Variants in UBE2E1 observed in about 807,000 individuals in gnomAD.
The protein encoded by UBE2E1 is ubiquitin conjugating enzyme E2 E1.
In UBE2E1, 6 loss-of-function variants were observed where a neutral mutation model predicts 21.4. The observed-to-expected ratio is 0.28, with a 90% CI of 0.15 to 0.55. The LOEUF (loss-of-function observed/expected upper bound fraction) is 0.55, where lower values mean the gene tolerates loss of function less well. Ranked by LOEUF, UBE2E1 falls within the 20% of genes least tolerant of loss-of-function variation. The probability of loss-of-function intolerance (pLI) is 0.93; values close to 1 mark genes in which losing one functional copy is unlikely to be tolerated. For missense variants in UBE2E1, 142 were observed against 236.5 expected, an observed-to-expected ratio of 0.60 and a Z score of 2.62; for synonymous variants, 87 against 82.7, an observed-to-expected ratio of 1.05 and a Z score of -0.28.
rs1239028049 is a variant in UBE2E1 at position 23,887,569 on chromosome 3, C to T, written c.206C>T (p.Ala69Val). ...ITLDPPPNCS[A>V]GPKGDNIYEW... is the part of the protein sequence containing the mutation. ...ATTTGTTGACGTATTATTCACAGTG[C>T]TGGTCCCAAAGGCGATAACATCTAT... Residue 69 changes from alanine to valine, a missense_variant and splice_region_variant, in exon 4 of 6, where the codon GCT becomes GTT. This residue lies in a region of UBE2E1 where 87 missense variants were observed against 184.9 expected (regional missense o/e 0.47). Coordinates refer to ENST00000306627, the MANE Select transcript of UBE2E1 (RefSeq NM_003341.5). The surrounding 1 kb of genome is among the most constrained non-coding windows in gnomAD (Gnocchi z 4.4). 6.2e-7 allele frequency: 1 copy of T among 1,608,316 alleles called. No individual in the cohort carries two copies. Among genetic ancestry groups the T allele is most frequent in the Non-Finnish European group, 8.5e-7 (1 of 1,178,560 alleles).
intron 3 of UBE2E1, among the ~76,000 whole-genome samples, chr3:23,845,589 C>CTCTGTGTGTGTGTG (rs1553637998): frequency 1.9e-4 from 23 of 121,354 alleles, no homozygotes; most frequent in South Asian, 6.4e-4. Context: ...CTCTCTCTCT[C>CTCTGTGTGTGTGTG]TGTGTGTGTG....
intron 3 of UBE2E1, among the ~76,000 whole-genome samples, chr3:23,886,929 T>C (rs1319770903): frequency 6.6e-6 from 1 of 152,248 alleles, no homozygotes; most frequent in East Asian, 1.9e-4. Context: ...AACAGTGATT[T>C]ATGATAACAG....
intron 3 of UBE2E1, among the ~76,000 whole-genome samples, chr3:23,811,936 A>G (rs577615947): frequency 9.2e-5 from 14 of 152,344 alleles, no homozygotes; most frequent in Admixed American, 7.2e-4. Context: ...TGGATCTTCA[A>G]ACTTACTCCA....
chr3:23,856,996 T>C (rs1274329850), intron 3 of UBE2E1, among the ~76,000 whole-genome samples: 3 of 66,072 alleles, frequency 4.5e-5, no homozygotes, highest in African/African-American at 1.8e-4. Flanking sequence ...AGCTAGGCTG[T>C]CTCTTAAAAA....
At chr3:23,814,071 A>T (rs1699459082) in intron 3 of UBE2E1, among the ~76,000 whole-genome samples, 1 of 152,296 alleles carries the variant, frequency 6.6e-6, no homozygotes, top group South Asian at 2.1e-4. Context: ...GGCACTTGGC[A>T]CATAGTAACT....
In UBE2E1 at chr3:23,806,361, A is replaced by C. The variant is rs569662435; in HGVS notation, c.-34+273A>C. 6.6e-6 allele frequency among the ~76,000 whole-genome samples: 1 copy of C among 150,800 alleles called. No homozygotes were observed. Among genetic ancestry groups the C allele is most frequent in the Non-Finnish European group, 1.5e-5 (1 of 67,382 alleles). On this transcript the variant is annotated intron_variant, in intron 1 of 5. Coordinates refer to ENST00000306627, the MANE Select transcript of UBE2E1 (RefSeq NM_003341.5). This position sits in a 1 kb window ranked among gnomAD's most constrained non-coding sequence, Gnocchi z 6.5. ...TGGCTCGAACTGTCAGCGCTGCCCC[A>C]AGAGCCCCCCACTGGCCACCGAGGG...
Position 23,826,274 on chromosome 3 carries a change from T to C in UBE2E1, c.203+14764T>C, listed in dbSNP as rs558773882. ...GTGCCTCAACCAGTGAAAGGAAGTA[T>C]AGCATTACTCAGCTGGTCTTGACGT... On this transcript the variant is annotated intron_variant, in intron 3 of 5. Transcript: ENST00000306627. 2.0e-5 allele frequency among the ~76,000 whole-genome samples: 3 copies of C among 152,310 alleles called. No homozygotes were observed. The South Asian group carries it at 6.2e-4, about 32-fold the overall frequency.
chr3:23,860,782 G>A (rs1700538026), intron 3 of UBE2E1, among the ~76,000 whole-genome samples: 1 of 152,050 alleles, frequency 6.6e-6, no homozygotes, highest in Admixed American at 6.5e-5. Context: ...ATAAAACTAG[G>A]TAGTACCTAA....
intron 3 of UBE2E1, among the ~76,000 whole-genome samples, chr3:23,843,747 A>C (rs1700139582): frequency 6.6e-6 from 1 of 152,208 alleles, no homozygotes; most frequent in Non-Finnish European, 1.5e-5. Context: ...GACAATCCAA[A>C]TGACCCTCAG....
At position 23,876,182 on chromosome 3, in the gene UBE2E1, C is replaced by T. The variant is rs960576040; in HGVS notation, c.204-11385C>T. Among the ~76,000 whole-genome samples the T allele has an allele frequency of 6.6e-6, 1 of 152,194 alleles. No individual in the cohort carries two copies. Among genetic ancestry groups the T allele is most frequent in the Non-Finnish European group, 1.5e-5 (1 of 68,034 alleles). On this transcript the variant is annotated intron_variant, in intron 3 of 5. Transcript: ENST00000306627. This position sits in a 1 kb window ranked among gnomAD's most constrained non-coding sequence, Gnocchi z 4.3. ...TAGTTAACCTGAATGGTACATTCCT[C>T]ACAGTACCAGAGCCTCTTCCTTTCC...
intron 5 of UBE2E1, chr3:23,889,592 T>TGTCGA: frequency 2.0e-6 from 2 of 985,388 alleles, no homozygotes; most frequent in African/African-American, 3.5e-5. Context: ...CACTTCTAAA[T>TGTCGA]GTCGAGTCAT....
rs1181254382 is a variant in UBE2E1 at position 23,816,491 on chromosome 3, G to A, written c.203+4981G>A. Among the ~76,000 whole-genome samples the A allele has an allele frequency of 6.6e-6, 1 of 151,978 alleles. No individual in the cohort carries two copies. Among genetic ancestry groups the A allele is most frequent in the Admixed American group, 6.6e-5 (1 of 15,254 alleles). On this transcript the variant is annotated intron_variant, in intron 3 of 5. Coordinates refer to ENST00000306627, the MANE Select transcript of UBE2E1 (RefSeq NM_003341.5). The surrounding 1 kb of genome is among the most constrained non-coding windows in gnomAD (Gnocchi z 4.8). ...GGAGGCTGAGGCAGGCGGATCACGA[G>A]GTCAGGAGATCGACACCATCGTGGC...
chr3:23,889,222 C>G lies in UBE2E1; in HGVS notation c.447C>G (p.Leu149=), dbSNP rs1454376768. 1 of 1,613,848 alleles carries G rather than the reference C, an allele frequency of 6.2e-7. No homozygotes were observed. ...CAGCACTAACCATTTCTAAAGTCCT[C>G]CTTTCTATCTGCTCACTTCTTACAG... The part of the protein sequence containing the change: ...WSPALTISKV[L]LSICSLLTDC... The change falls in exon 5 of 6, where the codon CTC becomes CTG. Residue 149 remains leucine (L), a synonymous_variant. Coordinates refer to ENST00000306627, the MANE Select transcript of UBE2E1 (RefSeq NM_003341.5).
chr3:23,856,657 T>G (rs1176738333), intron 3 of UBE2E1, among the ~76,000 whole-genome samples: 1 of 152,172 alleles, frequency 6.6e-6, no homozygotes. Flanking sequence ...ATCTCTCTTT[T>G]CATACCACTC....
In UBE2E1 at chr3:23,823,891, C is replaced by T. The variant is rs1007574674; in HGVS notation, c.203+12381C>T. Among the ~76,000 whole-genome samples, 4 of 152,224 alleles carry T rather than the reference C, an allele frequency of 2.6e-5. No individual in the cohort carries two copies. Among genetic ancestry groups the T allele is most frequent in the African/African-American group, 9.6e-5 (4 of 41,458 alleles). On this transcript the variant is annotated intron_variant, in intron 3 of 5. Transcript: ENST00000306627. This position sits in a 1 kb window ranked among gnomAD's most constrained non-coding sequence, Gnocchi z 4.2. ...CTCTCTCTGGAAGTCTTCAGAATGC[C>T]TAACTTCATCCTTCAGGGAGACTGG...
chr3:23,880,557 G>A (rs1701014651), intron 3 of UBE2E1, among the ~76,000 whole-genome samples: 1 of 152,158 alleles, frequency 6.6e-6, no homozygotes. Flanking sequence ...CAGCAAGACT[G>A]TGACTCGAAA....
At chr3:23,838,500 A>T (rs1240930870) in intron 3 of UBE2E1, among the ~76,000 whole-genome samples, 1 of 151,884 alleles carries the variant, frequency 6.6e-6, no homozygotes, top group Non-Finnish European at 1.5e-5. Flanking sequence ...TTATTTATTT[A>T]TTTTTATTTT....
intron 3 of UBE2E1, among the ~76,000 whole-genome samples, chr3:23,881,156 G>T (rs184050564): frequency 6.6e-6 from 1 of 152,172 alleles, no homozygotes; most frequent in Admixed American, 6.6e-5. Context: ...CAGAAGTGTC[G>T]TGGCTCATGG....
In UBE2E1 at chr3:23,867,616, CT is replaced by C. The variant is rs1321291422; in HGVS notation, c.204-19950del. Among the ~76,000 whole-genome samples the C allele has an allele frequency of 5.9e-5, 9 of 152,288 alleles. No homozygotes were observed. The South Asian group carries it at 1.4e-3, about 25-fold the overall frequency. ...CTCCTGTGTGGGCTCTCCGGTCCCC[CT>C]GTCTCATTTCAAAATCAGATTTGCA... On this transcript the variant is annotated intron_variant, in intron 3 of 5. Transcript: ENST00000306627.
Sources: allele counts gnomAD v4.1 joint callset (sites outside exome capture counted in the v4.1 genomes callset), GRCh38; gene constraint gnomAD v4.1.1; regional missense constraint gnomAD v4.1.1; non-coding constraint Gnocchi (gnomAD v3.1); transcripts MANE v1.5; gene names NCBI Gene and HGNC (gene_info 2026-07-23, HGNC 2026-07-21).